CADM1: variants seen among roughly 807,000 people sequenced by gnomAD.
CADM1 encodes TSLC-1.
A neutral mutation model predicts 53.1 loss-of-function variants in CADM1; 15 were observed. The ratio of observed to expected loss-of-function variants is 0.28; its 90% CI spans 0.19 to 0.44. The LOEUF is 0.44. Among genes scored for constraint, CADM1 ranks in the 20% least tolerant of loss-of-function variants. CADM1 has a pLI of 1.00. For missense variants in CADM1, 434 were observed against 611.3 expected, an observed-to-expected ratio of 0.71 and a Z score of 3.06; for synonymous variants, 281 against 243.0, an observed-to-expected ratio of 1.16 and a Z score of -1.45.
intron 1 of CADM1, among the ~76,000 whole-genome samples, chr11:115,297,442 C>G (rs45612240): frequency 6.6e-6 from 1 of 152,100 alleles, no homozygotes; most frequent in Non-Finnish European, 1.5e-5. Context: ...GTGTTTGTGC[C>G]GGCTCTCATC....
Position 115,456,603 on chromosome 11 carries a change from G to T in CADM1, c.124+47668C>A, listed in dbSNP as rs314487. 1.5e-3 allele frequency among the ~76,000 whole-genome samples: 230 copies of T among 152,214 alleles called. 1 individual carries two copies. The highest frequency in any genetic ancestry group is 0.013 in the Admixed American group (205 of 15,264). Reference sequence around the variant, plus strand: ...AGATAAGACATAGGACTAGTTGAATGTTACAGTAGAAAGAGCACTGGATAG... The same window carrying T: ...AGATAAGACATAGGACTAGTTGAATTTTACAGTAGAAAGAGCACTGGATAG... On this transcript the variant is annotated intron_variant, in intron 1 of 11. Transcript: ENST00000331581.
chr11:115,241,368 C>T (rs1365069394), intron 1 of CADM1, among the ~76,000 whole-genome samples: 1 of 152,186 alleles, frequency 6.6e-6, no homozygotes, highest in Non-Finnish European at 1.5e-5. Context: ...GTTGTCCTAG[C>T]CTTTAAGAAG....
chr11:115,433,758 G>A (rs1480586206), intron 1 of CADM1, among the ~76,000 whole-genome samples: 1 of 152,128 alleles, frequency 6.6e-6, no homozygotes, highest in Non-Finnish European at 1.5e-5. Flanking sequence ...GAAGAGCTGA[G>A]GAAATTCTTT....
chr11:115,496,850 T>C (rs1189329712), intron 1 of CADM1, among the ~76,000 whole-genome samples: 1 of 152,154 alleles, frequency 6.6e-6, no homozygotes, highest in East Asian at 1.9e-4. Flanking sequence ...AGGATGTCAA[T>C]GGTGTCATTG....
intron 3 of CADM1, among the ~76,000 whole-genome samples, chr11:115,232,778 T>G (rs751061678): frequency 7.2e-5 from 11 of 152,198 alleles, no homozygotes; most frequent in Non-Finnish European, 1.5e-4. Flanking sequence ...GTAAGAATAC[T>G]GAATTTAGTA....
chr11:115,226,527 ACT>A (rs1158873611), intron 5 of CADM1, among the ~76,000 whole-genome samples: 3 of 152,186 alleles, frequency 2.0e-5, no homozygotes, highest in Non-Finnish European at 4.4e-5. Flanking sequence ...GTGCAATGTT[ACT>A]CCTCACAGGC....
chr11:115,213,139 G>C lies in CADM1; in HGVS notation c.994+1469C>G, dbSNP rs570230456. On this transcript the variant is annotated intron_variant, in intron 7 of 11. Transcript: ENST00000331581. ...AGCTGGACTGAAAGCCAGTAAACCCGGGCAACAGCAATGTCGGGGACTCCC... is the reference window on the plus strand; with the variant it reads ...AGCTGGACTGAAAGCCAGTAAACCCCGGCAACAGCAATGTCGGGGACTCCC... Among the ~76,000 whole-genome samples the C allele has an allele frequency of 9.2e-5, 14 of 152,140 alleles. 1 individual carries two copies. The highest frequency in any genetic ancestry group is 1.5e-5 in the Non-Finnish European group (1 of 68,036).
intron 1 of CADM1, among the ~76,000 whole-genome samples, chr11:115,356,430 T>C (rs865998869): frequency 6.6e-6 from 1 of 152,058 alleles, no homozygotes; most frequent in Non-Finnish European, 1.5e-5. Flanking sequence ...GTAAAGCAGA[T>C]GTCACTTACG....
chr11:115,179,029 G>C, intron 10 of CADM1: 1 of 492,740 alleles, frequency 2.0e-6, no homozygotes, highest in Non-Finnish European at 3.8e-6. Flanking sequence ...AGCTTAGGGA[G>C]GCAGGGAAGG....
intron 1 of CADM1, among the ~76,000 whole-genome samples, chr11:115,266,969 G>A (rs1410749825): frequency 6.6e-6 from 1 of 152,164 alleles, no homozygotes; most frequent in Non-Finnish European, 1.5e-5. Flanking sequence ...TGCGATTATG[G>A]GTTTTCTCCA....
At chr11:115,279,320 T>C (rs2135072182) in intron 1 of CADM1, among the ~76,000 whole-genome samples, 1 of 152,292 alleles carries the variant, frequency 6.6e-6, no homozygotes, top group South Asian at 2.1e-4. Flanking sequence ...TGAAATCAGA[T>C]ACTTAACATT....
chr11:115,218,330 A>G (rs1186124329), intron 5 of CADM1, among the ~76,000 whole-genome samples: 1 of 152,208 alleles, frequency 6.6e-6, no homozygotes, highest in Admixed American at 6.5e-5. Context: ...GAAGCCATAG[A>G]TATCTGTGGT....
intron 1 of CADM1, among the ~76,000 whole-genome samples, chr11:115,440,981 T>G (rs1462884153): frequency 6.6e-6 from 1 of 152,022 alleles, no homozygotes; most frequent in Non-Finnish European, 1.5e-5. Flanking sequence ...GACCTCATTA[T>G]GTCACCCAGG....
intron 1 of CADM1, among the ~76,000 whole-genome samples, chr11:115,451,921 G>GA (rs924502351): frequency 2.5e-4 from 36 of 145,050 alleles, no homozygotes; most frequent in East Asian, 6.0e-4. Flanking sequence ...GGCTGGAGGG[G>GA]AAAAAAAAAA....
intron 1 of CADM1, among the ~76,000 whole-genome samples, chr11:115,390,574 T>G (rs551914403): frequency 6.6e-6 from 1 of 151,780 alleles, no homozygotes; most frequent in East Asian, 1.9e-4. Flanking sequence ...ATGTAAGTGT[T>G]TAGTTAACTG....
At chr11:115,388,484 G>A (rs1035133932) in intron 1 of CADM1, among the ~76,000 whole-genome samples, 3 of 152,010 alleles carry the variant, frequency 2.0e-5, no homozygotes, top group African/African-American at 7.2e-5. Context: ...TAGTTGTAAG[G>A]GTTAATATAG....
rs542583410 is a variant in CADM1 at position 115,198,519 on chromosome 11, T to C, written c.1079-81A>G. ...AAAAAAAGGGAAAATGGAAAAAAAATGGAACAGATAATATATGAGCAAGCT... is the reference window on the plus strand; with the variant it reads ...AAAAAAAGGGAAAATGGAAAAAAAACGGAACAGATAATATATGAGCAAGCT... On this transcript the variant is annotated intron_variant, in intron 8 of 11. Coordinates refer to ENST00000331581, the MANE Select transcript of CADM1 (RefSeq NM_001301043.2). The C allele has an allele frequency of 1.7e-5, 18 of 1,038,712 alleles. No homozygotes were observed. In the East Asian group the frequency reaches 2.7e-4, roughly 16 times the overall value. The allele number at this position is 1,038,712 out of a possible 1,614,324, so 64.3% of individuals were successfully genotyped here. A position where few individuals can be genotyped will look rare whatever the true frequency, so the allele number is the denominator to read the frequency against.
intron 5 of CADM1, among the ~76,000 whole-genome samples, chr11:115,220,457 C>T (rs1451829343): frequency 6.6e-6 from 1 of 152,180 alleles, no homozygotes; most frequent in Non-Finnish European, 1.5e-5. Flanking sequence ...AATACACCTT[C>T]AGTTTTGATA....
At chr11:115,458,047 G>T (rs1254140850) in intron 1 of CADM1, among the ~76,000 whole-genome samples, 1 of 152,032 alleles carries the variant, frequency 6.6e-6, no homozygotes, top group African/African-American at 2.4e-5. Context: ...ATATTTATGG[G>T]TGTACTCTTC....
Sources: allele counts gnomAD v4.1 joint callset (sites outside exome capture counted in the v4.1 genomes callset), GRCh38; gene constraint gnomAD v4.1.1; transcripts MANE v1.5; gene names NCBI Gene and HGNC (gene_info 2026-07-23, HGNC 2026-07-21).